Variants in KCTD8 observed in about 807,000 individuals in gnomAD.
KCTD8 encodes potassium channel tetramerization domain containing 8.
In KCTD8, 27 loss-of-function variants were observed where a neutral mutation model predicts 31.5. The observed-to-expected ratio is 0.86, with a 90% confidence interval of 0.63 to 1.18. The LOEUF is 1.18. Among genes scored for constraint, KCTD8 ranks in the 50% most tolerant of loss-of-function variants. The pLI, the probability that KCTD8 is intolerant of heterozygous loss-of-function variation, is 0.00. For missense variants in KCTD8, 658 were observed against 647.7 expected, an observed-to-expected ratio of 1.02 and a Z score of -0.17; for synonymous variants, 290 against 280.0, an observed-to-expected ratio of 1.04 and a Z score of -0.36.
At chr4:44,188,531 G>T (rs1219209593) in intron 1 of KCTD8, among the ~76,000 whole-genome samples, 2 of 152,114 alleles carry the variant, frequency 1.3e-5, no homozygotes, top group African/African-American at 4.8e-5. Flanking sequence ...CTTTGTAGTA[G>T]GCTAAAAAGT....
chr4:44,186,076 G>T lies in KCTD8; in HGVS notation c.962-10826C>A, dbSNP rs576941803. On this transcript the variant is annotated intron_variant, in intron 1 of 1. Transcript: ENST00000360029. ...TTCCAAGACTACTCTGGCCTGTCAC[G>T]CCCCAATCCTGGGCCTATAAAAACC... Among the ~76,000 whole-genome samples, 41 of 152,168 alleles carry T rather than the reference G, an allele frequency of 2.7e-4. No individual in the cohort carries two copies. In the South Asian group the frequency reaches 8.1e-3, roughly 30 times the overall value.
chr4:44,179,653 C>A (rs1713321386), intron 1 of KCTD8, among the ~76,000 whole-genome samples: 1 of 151,490 alleles, frequency 6.6e-6, no homozygotes, highest in African/African-American at 2.4e-5. Flanking sequence ...GAATGCTTGG[C>A]TTTATTTTGT....
At chr4:44,296,128 G>A (rs781372279) in intron 1 of KCTD8, among the ~76,000 whole-genome samples, 1 of 152,122 alleles carries the variant, frequency 6.6e-6, no homozygotes, top group Non-Finnish European at 1.5e-5. Flanking sequence ...GCAGCATAGT[G>A]CAAACAGAGA....
intron 1 of KCTD8, among the ~76,000 whole-genome samples, chr4:44,199,241 C>T (rs1203780648): frequency 6.6e-6 from 1 of 152,006 alleles, no homozygotes; most frequent in African/African-American, 2.4e-5. Context: ...GACAAATCAT[C>T]AAGGCAGAAA....
chr4:44,285,380 C>T lies in KCTD8; in HGVS notation c.962-110130G>A, dbSNP rs180764643. On this transcript the variant is annotated intron_variant, in intron 1 of 1. Transcript: ENST00000360029. The stretch of plus-strand genomic sequence containing the variant: ...AGCAAACTATCACAAGTTCAGAAAA[C>T]CAAACACCATATGTTCTCACTCATA... Among the ~76,000 whole-genome samples, 9 of 152,144 alleles carry T rather than the reference C, an allele frequency of 5.9e-5. No homozygotes were observed. The East Asian group carries it at 1.7e-3, about 29-fold the overall frequency.
At chr4:44,352,893 A>C (rs1303231582) in intron 1 of KCTD8, among the ~76,000 whole-genome samples, 4 of 152,030 alleles carry the variant, frequency 2.6e-5, no homozygotes, top group Non-Finnish European at 5.9e-5. Flanking sequence ...CCACTATAAT[A>C]TCAACTGCTT....
At chr4:44,217,757 G>A (rs1382556590) in intron 1 of KCTD8, among the ~76,000 whole-genome samples, 1 of 152,108 alleles carries the variant, frequency 6.6e-6, no homozygotes, top group South Asian at 2.1e-4. Flanking sequence ...CATTCTTCCT[G>A]CCCTTGGACA....
At chr4:44,350,958 T>C (rs1719180010) in intron 1 of KCTD8, among the ~76,000 whole-genome samples, 2 of 152,104 alleles carry the variant, frequency 1.3e-5, no homozygotes, top group African/African-American at 2.4e-5. Context: ...AACTCAATAT[T>C]GGCTACCTGG....
chr4:44,232,483 T>C (rs1050524623), intron 1 of KCTD8, among the ~76,000 whole-genome samples: 3 of 152,146 alleles, frequency 2.0e-5, no homozygotes, highest in African/African-American at 7.2e-5. Context: ...GCCTAACTAA[T>C]AGGGCTATAC....
intron 1 of KCTD8, among the ~76,000 whole-genome samples, chr4:44,220,715 T>C (rs1288411032): frequency 6.6e-6 from 1 of 151,950 alleles, no homozygotes; most frequent in Non-Finnish European, 1.5e-5. Flanking sequence ...AAGTGGAAAG[T>C]TTAGGGGTAT....
intron 1 of KCTD8, among the ~76,000 whole-genome samples, chr4:44,209,497 T>G (rs1236640959): frequency 6.7e-6 from 1 of 149,208 alleles, no homozygotes; most frequent in African/African-American, 2.5e-5. Context: ...GCTACACACA[T>G]ACACACACAC....
At chr4:44,409,036 A>T (rs1219996572) in intron 1 of KCTD8, among the ~76,000 whole-genome samples, 1 of 151,828 alleles carries the variant, frequency 6.6e-6, no homozygotes, top group Admixed American at 6.6e-5. Context: ...TGTGTCCAGG[A>T]GTTTGAGACC....
At chr4:44,359,695 A>C (rs1719447931) in intron 1 of KCTD8, among the ~76,000 whole-genome samples, 1 of 152,110 alleles carries the variant, frequency 6.6e-6, no homozygotes, top group South Asian at 2.1e-4. Flanking sequence ...CATGAATTAA[A>C]TCCATGTAGG....
intron 1 of KCTD8, among the ~76,000 whole-genome samples, chr4:44,236,397 A>G (rs937637557): frequency 6.6e-6 from 1 of 152,182 alleles, no homozygotes; most frequent in East Asian, 1.9e-4. Context: ...CATGCACTCA[A>G]AAAAGCAACA....
intron 1 of KCTD8, among the ~76,000 whole-genome samples, chr4:44,193,490 T>C (rs906593764): frequency 6.6e-6 from 1 of 152,182 alleles, no homozygotes; most frequent in African/African-American, 2.4e-5. Context: ...GTTAGAGATA[T>C]AATTACTCAT....
chr4:44,352,554 ATATATTAAAATTATTATTT>A (rs1719230423), intron 1 of KCTD8, among the ~76,000 whole-genome samples: 4 of 147,562 alleles, frequency 2.7e-5, no homozygotes, highest in Non-Finnish European at 6.0e-5. Context: ...TTTGTATATT[ATATATTAAAATTATTATTT>A]CTATTAAAAA....
chr4:44,221,465 T>G, intron 1 of KCTD8, among the ~76,000 whole-genome samples: 1 of 151,986 alleles, frequency 6.6e-6, no homozygotes, highest in East Asian at 1.9e-4. Flanking sequence ...AGGGAGTTTA[T>G]TAAGGAGTAC....
intron 1 of KCTD8, among the ~76,000 whole-genome samples, chr4:44,191,730 G>C (rs988005992): frequency 1.3e-5 from 2 of 152,112 alleles, no homozygotes; most frequent in African/African-American, 2.4e-5. Context: ...CTCTGCTCTT[G>C]AACCCTGTTT....
At chr4:44,250,642 C>T (rs1235700381) in intron 1 of KCTD8, among the ~76,000 whole-genome samples, 6 of 151,792 alleles carry the variant, frequency 4.0e-5, no homozygotes, top group East Asian at 3.9e-4. Flanking sequence ...TGGCTTTACC[C>T]TGTGAGTAAA....
Sources: gnomAD v4.1 joint callset for allele counts (sites outside exome capture counted in the v4.1 genomes callset) on GRCh38, gnomAD v4.1.1 for gene constraint, MANE v1.5 for transcripts, NCBI Gene and HGNC (gene_info 2026-07-23, HGNC 2026-07-21) for gene names.